PRKCB: variants seen among roughly 807,000 people sequenced by gnomAD.
The protein encoded by PRKCB is protein kinase C beta type.
Under a neutral mutation model 81.5 loss-of-function variants are expected in PRKCB, and 13 were observed. The ratio of observed to expected loss-of-function variants is 0.16; its 90% CI spans 0.10 to 0.25. PRKCB has a LOEUF of 0.25. Among genes scored for constraint, PRKCB ranks in the 10% least tolerant of loss-of-function variants. The probability of loss-of-function intolerance (pLI) is 1.00; values close to 1 mark genes in which losing one functional copy is unlikely to be tolerated. For synonymous variants in PRKCB, 335 were observed against 321.4 expected, an observed-to-expected ratio of 1.04 and a Z score of -0.45; for missense variants, 509 against 875.7, an observed-to-expected ratio of 0.58 and a Z score of 5.29.
chr16:24,205,526 C>T (rs1183496253), intron 16 of PRKCB, among the ~76,000 whole-genome samples: 1 of 152,130 alleles, frequency 6.6e-6, no homozygotes, highest in East Asian at 1.9e-4. Context: ...GTCTGGATCT[C>T]TTGTCAAATC....
rs200556558 is a variant in PRKCB at position 24,021,042 on chromosome 16, C to T, written c.289-11094C>T. ...TTTCTTTCTTTCTTTCTTTCTTTCT[C>T]TTTCTTTCTTTCTTTCCCTCCCTCC... On this transcript the variant is annotated intron_variant, in intron 3 of 16. Coordinates refer to ENST00000643927, the MANE Select transcript of PRKCB (RefSeq NM_002738.7). 3.6e-3 allele frequency among the ~76,000 whole-genome samples: 264 copies of T among 74,322 alleles called. 2 individuals are homozygous for T. Among genetic ancestry groups the T allele is most frequent in the African/African-American group, 0.014 (221 of 15,250 alleles). 48.8% of individuals were successfully genotyped at this position (74,322 alleles called of 152,430 possible).
intron 2 of PRKCB, among the ~76,000 whole-genome samples, chr16:23,913,842 G>A (rs1963697911): frequency 6.6e-6 from 1 of 152,202 alleles, no homozygotes; most frequent in Non-Finnish European, 1.5e-5. Context: ...TAGGGAACTT[G>A]GCTCCCTCCC....
At chr16:24,201,081 C>T (rs7205040) in intron 16 of PRKCB, among the ~76,000 whole-genome samples, 32,554 of 151,794 alleles carry the variant, frequency 0.21, 3,805 homozygotes, top group African/African-American at 0.29. Context: ...ACCTCCTTGC[C>T]CAGCTTCCAT....
chr16:23,912,276 A>G (rs2141734413), intron 2 of PRKCB, among the ~76,000 whole-genome samples: 1 of 152,148 alleles, frequency 6.6e-6, no homozygotes, highest in African/African-American at 2.4e-5. Context: ...TGCCTCTGCT[A>G]TAAGCCACTT....
intron 2 of PRKCB, among the ~76,000 whole-genome samples, chr16:23,920,744 C>A (rs1344730982): frequency 6.6e-6 from 1 of 152,170 alleles, no homozygotes; most frequent in East Asian, 1.9e-4. Flanking sequence ...AGGGGAAGAA[C>A]AGCCCTTCAA....
chr16:24,184,993 C>T (rs752292753), intron 13 of PRKCB, 118 bp from the exon 14 acceptor site: 5 of 839,230 alleles, frequency 6.0e-6, no homozygotes, highest in Non-Finnish European at 1.0e-5. Context: ...CCCTGAATAG[C>T]TAATATAAAG....
intron 3 of PRKCB, among the ~76,000 whole-genome samples, chr16:24,002,325 G>A (rs923700914): frequency 8.9e-5 from 11 of 123,406 alleles, no homozygotes; most frequent in South Asian, 6.6e-4. Context: ...GTGTGTGTGC[G>A]TGCGTGTGTG....
Position 24,219,002 on chromosome 16 carries a change from G to A in PRKCB, c.*4186G>A. The stretch of plus-strand genomic sequence containing the variant: ...CTCATATGTCATATATAGGAGGTGA[G>A]GACTCCAGCTCCACCTGCCCCAGGT... On this transcript the variant is annotated 3_prime_UTR_variant, in exon 17 of 17. Coordinates refer to ENST00000643927, the MANE Select transcript of PRKCB (RefSeq NM_002738.7). 2 of 985,206 alleles carry A rather than the reference G, an allele frequency of 2.0e-6. No homozygotes were observed. The highest frequency in any genetic ancestry group is 2.4e-6 in the Non-Finnish European group (2 of 829,800). The allele number at this position is 985,206 out of a possible 1,614,324, so 61.0% of individuals were successfully genotyped here. A position where few individuals can be genotyped will look rare whatever the true frequency, so the allele number is the denominator to read the frequency against.
intron 5 of PRKCB, among the ~76,000 whole-genome samples, chr16:24,053,926 T>A (rs936104870): frequency 1.5e-4 from 23 of 152,238 alleles, no homozygotes; most frequent in African/African-American, 5.5e-4. Flanking sequence ...CTTAGTCCAA[T>A]GGGAATCCAT....
In PRKCB at chr16:23,972,268, C is replaced by T. The variant is rs565009773; in HGVS notation, c.206-16240C>T. Among the ~76,000 whole-genome samples the T allele has an allele frequency of 5.3e-5, 8 of 152,126 alleles. No individual in the cohort carries two copies. The South Asian group carries it at 1.5e-3, about 28-fold the overall frequency. On this transcript the variant is annotated intron_variant, in intron 2 of 16. Coordinates refer to ENST00000643927, the MANE Select transcript of PRKCB (RefSeq NM_002738.7). ...GTCTACCACAGGCTGGGGGTGTGTA[C>T]AGGGAAACTTTTTAGGTGGTGCCCA...
At chr16:23,956,292 AAT>A (rs1031782843) in intron 2 of PRKCB, among the ~76,000 whole-genome samples, 14 of 151,728 alleles carry the variant, frequency 9.2e-5, no homozygotes, top group African/African-American at 3.2e-4. Flanking sequence ...TAATTTTTGT[AAT>A]ATTTTTTTTT....
In PRKCB at chr16:23,970,631, A is replaced by T. The variant is rs566923285; in HGVS notation, c.206-17877A>T. ...TTCAAATCCCTCTTCTTCTTCAGTG[A>T]GTAGCTAAATCTTTCCAATGCTTTA... On this transcript the variant is annotated intron_variant, in intron 2 of 16. Transcript: ENST00000643927. 3.3e-5 allele frequency among the ~76,000 whole-genome samples: 5 copies of T among 152,312 alleles called. No homozygotes were observed. In the East Asian group the frequency reaches 9.6e-4, roughly 29 times the overall value.
At chr16:23,883,561 G>A (rs1312962244) in intron 2 of PRKCB, among the ~76,000 whole-genome samples, 2 of 152,216 alleles carry the variant, frequency 1.3e-5, no homozygotes, top group Non-Finnish European at 2.9e-5. Context: ...GCCAAGTAGA[G>A]AATGGATTGT....
intron 12 of PRKCB, among the ~76,000 whole-genome samples, chr16:24,177,786 G>A (rs1967557779): frequency 6.6e-6 from 1 of 152,142 alleles, no homozygotes; most frequent in Non-Finnish European, 1.5e-5. Flanking sequence ...GCCCTGAGTT[G>A]CAGTTAGGCA....
At chr16:23,904,889 A>T (rs1963532509) in intron 2 of PRKCB, among the ~76,000 whole-genome samples, 1 of 152,100 alleles carries the variant, frequency 6.6e-6, no homozygotes, top group Admixed American at 6.5e-5. Flanking sequence ...GAGGCCCAAG[A>T]GATCCTTAAA....
intron 8 of PRKCB, among the ~76,000 whole-genome samples, chr16:24,114,157 T>C (rs1966710510): frequency 6.7e-6 from 1 of 149,230 alleles, no homozygotes; most frequent in African/African-American, 2.5e-5. Context: ...GAGGCTGCAG[T>C]GAGCCAAGAT....
At chr16:24,130,137 A>G (rs1966851281) in intron 9 of PRKCB, among the ~76,000 whole-genome samples, 1 of 152,208 alleles carries the variant, frequency 6.6e-6, no homozygotes, top group Admixed American at 6.5e-5. Flanking sequence ...AGAATTCAAT[A>G]TTTGCAATGA....
At chr16:24,067,373 C>T (rs1043291074) in intron 5 of PRKCB, among the ~76,000 whole-genome samples, 1 of 151,964 alleles carries the variant, frequency 6.6e-6, no homozygotes, top group African/African-American at 2.4e-5. Flanking sequence ...AATCATAGCT[C>T]GCTGCAGCCT....
intron 5 of PRKCB, among the ~76,000 whole-genome samples, chr16:24,090,809 G>A (rs1009271182): frequency 7.2e-5 from 11 of 152,182 alleles, no homozygotes; most frequent in East Asian, 1.9e-4. Context: ...GCTCCAGAGC[G>A]TGACCATGGT....
Sources: allele counts gnomAD v4.1 joint callset (sites outside exome capture counted in the v4.1 genomes callset), GRCh38; gene constraint gnomAD v4.1.1; transcripts MANE v1.5; gene names NCBI Gene and HGNC (gene_info 2026-07-23, HGNC 2026-07-21).